NLRC4: variants seen among roughly 807,000 people sequenced by gnomAD.
NLRC4 encodes NLR family CARD domain containing 4.
A neutral mutation model predicts 79.9 loss-of-function variants in NLRC4; 63 were observed. The ratio of observed to expected loss-of-function variants is 0.79; its 90% CI spans 0.64 to 0.97. NLRC4 has a LOEUF of 0.97. NLRC4 is among the 50% of genes least tolerant of loss of function. The probability of loss-of-function intolerance (pLI) is 0.00; values close to 1 mark genes in which losing one functional copy is unlikely to be tolerated. For missense variants in NLRC4, 1,074 were observed against 1,215.2 expected, an observed-to-expected ratio of 0.88 and a Z score of 1.73; for synonymous variants, 461 against 456.5, an observed-to-expected ratio of 1.01 and a Z score of -0.12.
intron 8 of NLRC4, among the ~76,000 whole-genome samples, chr2:32,227,867 G>C (rs948722279): frequency 2.6e-5 from 4 of 152,178 alleles, no homozygotes; most frequent in African/African-American, 9.7e-5. Flanking sequence ...GCCATAGGCT[G>C]TATGTGGGCT....
Position 32,249,689 on chromosome 2 carries a change from G to C in NLRC4, c.2175C>G (p.Thr725=). The C allele has an allele frequency of 6.2e-7, 1 of 1,613,980 alleles. No individual in the cohort carries two copies. The highest frequency in any genetic ancestry group is 8.5e-7 in the Non-Finnish European group (1 of 1,179,886). The change falls in exon 4 of 9, where the codon ACC becomes ACG. Residue 725 remains threonine, a synonymous_variant. Transcript: ENST00000402280. Reference sequence around the variant, plus strand: ...ATGTGATGTGCCTCTCATCTTCTATGGTGAGGGGACTGGCTTCCACCATGA... The same window carrying C: ...ATGTGATGTGCCTCTCATCTTCTATCGTGAGGGGACTGGCTTCCACCATGA... The part of the protein sequence containing the change: ...YSLMVEASPL[T]IEDERHITSV...
intron 8 of NLRC4, among the ~76,000 whole-genome samples, chr2:32,227,302 G>C (rs1244987535): frequency 6.6e-6 from 1 of 152,208 alleles, no homozygotes; most frequent in African/African-American, 2.4e-5. Context: ...CCATGGTATA[G>C]TTGGGTCTCT....
chr2:32,230,445 G>A lies in NLRC4; in HGVS notation c.2782+4956C>T, dbSNP rs570939421. The stretch of plus-strand genomic sequence containing the variant: ...CTCTCAAACTGCTGGGATTACAAAC[G>A]TGAGCCACTGGGCCCAGCCCCCGCT... On this transcript the variant is annotated intron_variant, in intron 8 of 8. Transcript: ENST00000402280. 2.1e-4 allele frequency among the ~76,000 whole-genome samples: 32 copies of A among 151,390 alleles called. No individual in the cohort carries two copies. In the South Asian group the frequency reaches 6.1e-3, roughly 29 times the overall value.
chr2:32,261,251 CCT>C (rs1280727995), intron 1 of NLRC4, among the ~76,000 whole-genome samples: 2 of 149,462 alleles, frequency 1.3e-5, no homozygotes, highest in African/African-American at 2.5e-5. Context: ...CTCAGGTTCC[CCT>C]CTCTCTCTGC....
At chr2:32,237,254 G>T (rs1001198509) in intron 6 of NLRC4, among the ~76,000 whole-genome samples, 1 of 151,912 alleles carries the variant, frequency 6.6e-6, no homozygotes, top group African/African-American at 2.4e-5. Flanking sequence ...TATAATATTG[G>T]CTATTATTAT....
intron 4 of NLRC4, among the ~76,000 whole-genome samples, chr2:32,247,218 G>A (rs550424870): frequency 2.6e-5 from 4 of 152,334 alleles, no homozygotes; most frequent in Admixed American, 1.3e-4. Flanking sequence ...GTGCCACTTG[G>A]CAGGGAAGGA....
intron 1 of NLRC4, among the ~76,000 whole-genome samples, chr2:32,264,371 T>C (rs1250536838): frequency 6.7e-6 from 1 of 149,578 alleles, no homozygotes; most frequent in Non-Finnish European, 1.5e-5. Context: ...GAGGCAGAGG[T>C]TGCAGTGAGC....
At chr2:32,238,758 C>A (rs895120479) in intron 5 of NLRC4, among the ~76,000 whole-genome samples, 1 of 152,058 alleles carries the variant, frequency 6.6e-6, no homozygotes, top group Non-Finnish European at 1.5e-5. Flanking sequence ...TGCCTGGACT[C>A]ATGATATGGG....
At chr2:32,238,090 C>T in intron 6 of NLRC4, 42 bp downstream of exon 6, 1 of 1,449,928 alleles carries the variant, frequency 6.9e-7, no homozygotes, top group East Asian at 2.3e-5. Context: ...ATCACATGTT[C>T]TGTTATACTG....
chr2:32,258,320 A>G (rs1687258255), intron 1 of NLRC4, among the ~76,000 whole-genome samples: 1 of 152,200 alleles, frequency 6.6e-6, no homozygotes, highest in Non-Finnish European at 1.5e-5. Flanking sequence ...CTCGACGTCC[A>G]GCCGCTTGTG....
At chr2:32,240,499 C>T (rs564170192) in intron 5 of NLRC4, among the ~76,000 whole-genome samples, 1 of 151,396 alleles carries the variant, frequency 6.6e-6, no homozygotes, top group South Asian at 2.1e-4. Flanking sequence ...GGGCCTGGTT[C>T]CCTGTGGTAA....
At chr2:32,257,395 G>A (rs962538107) in intron 1 of NLRC4, among the ~76,000 whole-genome samples, 3 of 152,096 alleles carry the variant, frequency 2.0e-5, no homozygotes, top group Non-Finnish European at 4.4e-5. Context: ...ATCACGTGAG[G>A]TAAGGAGTTC....
intron 8 of NLRC4, among the ~76,000 whole-genome samples, chr2:32,234,618 A>T (rs1298384814): frequency 2.6e-5 from 4 of 152,178 alleles, no homozygotes; most frequent in Non-Finnish European, 5.9e-5. Context: ...GTCAGAAGTG[A>T]CCAGAAATGA....
intron 1 of NLRC4, among the ~76,000 whole-genome samples, 184 bp from the exon 2 acceptor site, chr2:32,257,077 T>C (rs1241991664): frequency 6.6e-6 from 1 of 152,238 alleles, no homozygotes; most frequent in African/African-American, 2.4e-5. Context: ...ACTCCTTGCC[T>C]AGAGCTCTAA....
chr2:32,225,382 GCACA>G (rs747003201), intron 8 of NLRC4, among the ~76,000 whole-genome samples: 1 of 147,868 alleles, frequency 6.8e-6, no homozygotes, highest in Non-Finnish European at 1.5e-5. Flanking sequence ...CACAAAGAAT[GCACA>G]CACACACACA....
chr2:32,235,922 C>G (rs182872389), intron 7 of NLRC4, among the ~76,000 whole-genome samples: 96 of 152,268 alleles, frequency 6.3e-4, no homozygotes, highest in African/African-American at 2.1e-3. Context: ...TCACATATCA[C>G]TATCACACCT....
intron 1 of NLRC4, among the ~76,000 whole-genome samples, chr2:32,263,805 A>T (rs1220245917): frequency 6.6e-6 from 1 of 152,140 alleles, no homozygotes; most frequent in Non-Finnish European, 1.5e-5. Context: ...CATTAATACG[A>T]CTAATATTAT....
chr2:32,252,372 G>C, intron 3 of NLRC4, 47 bp downstream of exon 3: 1 of 1,414,190 alleles, frequency 7.1e-7, no homozygotes, highest in Non-Finnish European at 1.0e-6. Flanking sequence ...TCTTTGTTGT[G>C]GTCTATTCTA....
rs1369524385 is a variant in NLRC4, at chr2:32,252,590, T to G, written c.91A>C (p.Asn31His). 3.1e-6 allele frequency: 5 copies of G among 1,614,044 alleles called. No homozygotes were observed. The highest frequency in any genetic ancestry group is 1.3e-5 in the African/African-American group (1 of 74,926). ...TTTACTTCTTCGCGATTCAGAACAT[T>G]CCATACAAATAGGTCATCTGTGATT... ...KQITDDLFVW[N>H]VLNREEVNII... The change falls in exon 3 of 9, where the codon AAT (asparagine) becomes CAT (histidine). Residue 31 changes from asparagine (N) to histidine (H), a missense_variant. Physicochemically the swap from Asn to His is moderately conservative, Grantham distance 68. Transcript: ENST00000402280.
Sources: gnomAD v4.1 joint callset for allele counts (sites outside exome capture counted in the v4.1 genomes callset) on GRCh38, gnomAD v4.1.1 for gene constraint, MANE v1.5 for transcripts, NCBI Gene and HGNC (gene_info 2026-07-23, HGNC 2026-07-21) for gene names.